The following CAST variants were observed in gnomAD, a reference collection of about 807,000 sequenced individuals.
CAST encodes the protein MIR583 host.
A neutral mutation model predicts 119.6 loss-of-function variants in CAST; 76 were observed. That is an observed-to-expected ratio of 0.64 (90% CI 0.53 to 0.77). The LOEUF (loss-of-function observed/expected upper bound fraction) is 0.77, where lower values mean the gene tolerates loss of function less well. Ranked by LOEUF, CAST falls within the 30% of genes least tolerant of loss-of-function variation. The probability of loss-of-function intolerance (pLI) is 0.00; values close to 1 mark genes in which losing one functional copy is unlikely to be tolerated. For synonymous variants in CAST, 319 were observed against 331.6 expected (o/e 0.96, Z 0.41); for missense variants, 953 against 946.5 (o/e 1.01, Z -0.09).
At chr5:95,998,309 T>G in the CAST span, among the ~76,000 whole-genome samples, 1 of 151,950 alleles carries the variant, frequency 6.6e-6, no homozygotes. Flanking sequence ...ATTTCTTATA[T>G]GCATATATTG....
At chr5:96,109,167 G>T in the CAST span, among the ~76,000 whole-genome samples, 4 of 152,206 alleles carry the variant, frequency 2.6e-5, no homozygotes, top group Non-Finnish European at 5.9e-5. Context: ...AGATGGAAAT[G>T]CAGAAATCAC....
At chr5:96,180,752 T>G in the CAST span, among the ~76,000 whole-genome samples, 2 of 152,200 alleles carry the variant, frequency 1.3e-5, no homozygotes, top group Non-Finnish European at 2.9e-5. Flanking sequence ...ATGGAAATAT[T>G]TAATTACTGT....
intron 1 of CAST, among the ~76,000 whole-genome samples, chr5:96,578,146 G>A (rs988156028): frequency 6.6e-6 from 1 of 152,062 alleles, no homozygotes; most frequent in African/African-American, 2.4e-5. Context: ...TGACTTTCTA[G>A]TGAACTAATT....
Position 96,605,096 on chromosome 5 carries a change from T to C in CAST, c.61-70443T>C, listed in dbSNP as rs1747228393. Among the ~76,000 whole-genome samples the C allele has an allele frequency of 2.6e-5, 4 of 151,784 alleles. 1 individual carries two copies. The South Asian group carries it at 8.3e-4, about 32-fold the overall frequency. ...CCAAGGTCTCTCACTACCTAGGGGG[T>C]CAAATGTTGATGATGCCACACACTG... On this transcript the variant is annotated intron_variant, in intron 1 of 11. Transcript: ENST00000505143.
the CAST span, among the ~76,000 whole-genome samples, chr5:96,367,173 G>A: frequency 5.3e-5 from 8 of 152,142 alleles, no homozygotes; most frequent in East Asian, 1.9e-4. Context: ...CTGCCTGATC[G>A]TTCCTCTGGA....
the CAST span, among the ~76,000 whole-genome samples, chr5:96,025,397 A>C: frequency 2.0e-5 from 3 of 152,164 alleles, no homozygotes; most frequent in African/African-American, 7.2e-5. Flanking sequence ...CTTCACCTTC[A>C]TGACCTAATT....
Position 96,722,676 on chromosome 5 carries a change from G to C in CAST, c.248G>C (p.Ser83Thr). The C allele has an allele frequency of 6.2e-7, 1 of 1,613,214 alleles. No individual in the cohort carries two copies. The highest frequency in any genetic ancestry group is 8.5e-7 in the Non-Finnish European group (1 of 1,179,128). The change falls in exon 4 of 32, where the codon AGT becomes ACT. Residue 83 changes from serine to threonine, a missense_variant. Ser to Thr is a moderately conservative substitution (Grantham distance 58, BLOSUM62 1). Transcript: ENST00000675179. ...TCTGGTGCAACCAGCAAGTCTTCCAGTATGAATCCCACAGAAACCAAGGTA... is the reference window on the plus strand; with the variant it reads ...TCTGGTGCAACCAGCAAGTCTTCCACTATGAATCCCACAGAAACCAAGGTA... ...ASSGATSKSS[S>T]MNPTETKAIP...
the CAST span, chr5:96,421,993 TAAAAAAAAAAAAAAA>T: frequency 5.6e-6 from 2 of 355,790 alleles, no homozygotes; most frequent in South Asian, 4.9e-5. Flanking sequence ...GTGGCAGCAT[TAAAAAAAAAAAAAAA>T]AAAAAAAAAA....
intron 2 of CAST, among the ~76,000 whole-genome samples, chr5:96,676,420 A>G (rs549980542): frequency 6.6e-6 from 1 of 152,228 alleles, no homozygotes; most frequent in Non-Finnish European, 1.5e-5. Flanking sequence ...TTTTTCTGAA[A>G]TTTAGTTCTT....
intron 3 of CAST, among the ~76,000 whole-genome samples, chr5:96,709,428 T>C (rs1228433732): frequency 6.6e-6 from 1 of 152,220 alleles, no homozygotes; most frequent in East Asian, 1.9e-4. Flanking sequence ...TAGAATTCCC[T>C]CCCCGTTAGG....
At chr5:96,392,595 T>A in the CAST span, 1 of 204,718 alleles carries the variant, frequency 4.9e-6, no homozygotes, top group Non-Finnish European at 9.9e-6. Flanking sequence ...GGGAACAAGC[T>A]ACAGAAACAG....
At chr5:96,559,965 G>C (rs1323824741) in intron 1 of CAST, among the ~76,000 whole-genome samples, 1 of 152,130 alleles carries the variant, frequency 6.6e-6, no homozygotes, top group Non-Finnish European at 1.5e-5. Flanking sequence ...TACTTACAAG[G>C]CTACAGTAAC....
chr5:96,369,875 G>A, the CAST span, among the ~76,000 whole-genome samples: 1 of 152,038 alleles, frequency 6.6e-6, no homozygotes, highest in Non-Finnish European at 1.5e-5. Flanking sequence ...AGAATGTAAA[G>A]TCAATAATAA....
At chr5:95,984,854 A>AG in the CAST span, among the ~76,000 whole-genome samples, 1 of 152,138 alleles carries the variant, frequency 6.6e-6, no homozygotes, top group Non-Finnish European at 1.5e-5. Context: ...AAAAAGAGAT[A>AG]GTATCAAAAT....
chr5:96,140,566 T>A, the CAST span, among the ~76,000 whole-genome samples: 1 of 152,252 alleles, frequency 6.6e-6, no homozygotes, highest in Non-Finnish European at 1.5e-5. Flanking sequence ...GCCCAGATTC[T>A]GACTCTGCCA....
the CAST span, among the ~76,000 whole-genome samples, chr5:96,444,716 TA>T: frequency 1.3e-5 from 2 of 152,170 alleles, no homozygotes; most frequent in Non-Finnish European, 2.9e-5. Context: ...ATATTAATGC[TA>T]GGGGGTTTTA....
the CAST span, among the ~76,000 whole-genome samples, chr5:95,986,659 G>C: frequency 8.7e-4 from 132 of 152,256 alleles, no homozygotes; most frequent in African/African-American, 2.9e-3. Context: ...CTGTCCTAGA[G>C]GCTGATATCG....
chr5:96,425,727 A>T, the CAST span: 5,516 of 659,052 alleles, frequency 8.4e-3, 219 homozygotes, highest in African/African-American at 0.15. Context: ...ATTCTCCATC[A>T]TAAAAAAAAA....
At chr5:96,421,063 G>A in the CAST span, among the ~76,000 whole-genome samples, 3,756 of 152,300 alleles carry the variant, frequency 0.025, 153 homozygotes, top group African/African-American at 0.086. Context: ...ATCGGTATGA[G>A]CAAAGATGGT....
Sources: gnomAD v4.1 joint callset for allele counts (sites outside exome capture counted in the v4.1 genomes callset) on GRCh38, gnomAD v4.1.1 for gene constraint, MANE v1.5 for transcripts, NCBI Gene and HGNC (gene_info 2026-07-23, HGNC 2026-07-21) for gene names.